Variants in PARP9 observed in about 807,000 individuals in gnomAD.
The protein encoded by PARP9 is poly(ADP-ribose) polymerase family member 9, also known as protein mono-ADP-ribosyltransferase PARP9.
PARP9 carries 48 observed loss-of-function variants against 68.8 expected under a neutral mutation model. The ratio of observed to expected loss-of-function variants is 0.70; its 90% CI spans 0.55 to 0.89. The LOEUF is 0.89. PARP9 is among the 40% of genes least tolerant of loss of function. The probability of loss-of-function intolerance (pLI) is 0.00; values close to 1 mark genes in which losing one functional copy is unlikely to be tolerated. For synonymous variants in PARP9, 309 were observed against 333.8 expected (o/e 0.93, Z 0.81); for missense variants, 806 against 969.3 (o/e 0.83, Z 2.24).
In PARP9 at chr3:122,533,538, G is replaced by T. The variant is rs866992034; in HGVS notation, c.2080+2630C>A. On this transcript the variant is annotated intron_variant, in intron 10 of 10. Coordinates refer to ENST00000682323, the MANE Select transcript of PARP9 (RefSeq NM_001146105.2). ...GGGACATCGTAGAGGAAAAAAGAGAGAAGATAAAGAATGGGCAACAGGTGA... is the reference window on the plus strand; with the variant it reads ...GGGACATCGTAGAGGAAAAAAGAGATAAGATAAAGAATGGGCAACAGGTGA... 1.8e-5 allele frequency: 6 copies of T among 341,926 alleles called. No homozygotes were observed. The South Asian group carries it at 7.0e-4, about 40-fold the overall frequency. 21.2% of individuals were successfully genotyped at this position (341,926 alleles called of 1,614,324 possible).
intron 1 of PARP9, among the ~76,000 whole-genome samples, chr3:122,563,818 C>T (rs1199434263): frequency 6.6e-6 from 1 of 152,136 alleles, no homozygotes; most frequent in African/African-American, 2.4e-5. Context: ...TCCGCCTCCC[C>T]TCACCAGCCC....
At position 122,555,324 on chromosome 3, in the gene PARP9, TC is replaced by T. The variant is rs2079549865; in HGVS notation, c.846del (p.Thr283ProfsTer16). 6.2e-7 allele frequency: 1 copy of T among 1,613,450 alleles called. No individual in the cohort carries two copies. Among genetic ancestry groups the T allele is most frequent in the Non-Finnish European group, 8.5e-7 (1 of 1,179,750 alleles). On this transcript the variant is annotated frameshift_variant, in exon 4 of 11. Transcript: ENST00000682323. LOFTEE classifies it high-confidence loss of function. ...ATGTGGCCCTGGACAATCTGGAGGG[TC>T]AGGTTGTTCACGACCATTGCATTGA... Reference protein sequence around the residue: ...PSFNAMVVNNLTLQIVQGHIE... With the variant: ...PSFNAMVVNNXTLQIVQGHIE...
chr3:122,533,533 A>T lies in PARP9; in HGVS notation c.2080+2635T>A, dbSNP rs73192103. ...CAAGGGGGACATCGTAGAGGAAAAAAGAGAGAAGATAAAGAATGGGCAACA... is the reference window on the plus strand; with the variant it reads ...CAAGGGGGACATCGTAGAGGAAAAATGAGAGAAGATAAAGAATGGGCAACA... On this transcript the variant is annotated intron_variant, in intron 10 of 10. Transcript: ENST00000682323. The T allele has an allele frequency of 9.4e-6, 3 of 318,628 alleles. No homozygotes were observed. Among genetic ancestry groups the T allele is most frequent in the Non-Finnish European group, 1.4e-5 (3 of 220,796 alleles). The allele number at this position is 318,628 out of a possible 1,614,324, so 19.7% of individuals were successfully genotyped here.
intron 8 of PARP9, 121 bp downstream of exon 8, chr3:122,540,351 A>T: frequency 7.9e-7 from 1 of 1,264,984 alleles, no homozygotes. Flanking sequence ...ACAAAGAACC[A>T]GAATGTTTGA....
upstream of PARP9, chr3:122,564,510 C>T: frequency 6.2e-7 from 1 of 1,612,834 alleles, no homozygotes. Context: ...AGCTGGAGAG[C>T]TACTTCCAGA....
rs2078640888 is a variant in PARP9 at position 122,545,587 on chromosome 3, A to C, written c.1327-98T>G. ...GCACACACAGCACTTGACTTCATCC[A>C]CTCTGTCAGTCCCATTCCTACTACC... On this transcript the variant is annotated intron_variant, in intron 6 of 10. Transcript: ENST00000682323. 5 of 1,125,200 alleles carry C rather than the reference A, an allele frequency of 4.4e-6. No individual in the cohort carries two copies. In the African/African-American group the frequency reaches 4.6e-5, roughly 10 times the overall value. 69.7% of individuals were successfully genotyped at this position (1,125,200 alleles called of 1,614,324 possible). A position where few individuals can be genotyped will look rare whatever the true frequency, so the allele number is the denominator to read the frequency against.
chr3:122,544,467 TG>T (rs1423920861), intron 7 of PARP9, among the ~76,000 whole-genome samples: 1 of 152,202 alleles, frequency 6.6e-6, no homozygotes, highest in Non-Finnish European at 1.5e-5. Context: ...GAACTGTTAA[TG>T]CTCTCCTTCC....
intron 10 of PARP9, chr3:122,534,540 T>TG: frequency 1.5e-6 from 1 of 672,254 alleles, no homozygotes; most frequent in Non-Finnish European, 1.8e-6. Flanking sequence ...TTTATATCAC[T>TG]ATATAATGAG....
chr3:122,538,427 C>T (rs2107592008), intron 8 of PARP9, among the ~76,000 whole-genome samples: 1 of 152,200 alleles, frequency 6.6e-6, no homozygotes, highest in East Asian at 1.9e-4. Flanking sequence ...ATTTGATATT[C>T]CTTATAATGA....
At chr3:122,544,254 A>T (rs144419413) in intron 7 of PARP9, among the ~76,000 whole-genome samples, 1 of 152,290 alleles carries the variant, frequency 6.6e-6, no homozygotes, top group African/African-American at 2.4e-5. Flanking sequence ...GATCTTTTCC[A>T]GTCAAAAGGA....
rs1396651952 is a variant in PARP9, at chr3:122,555,391, G to C, written c.780C>G (p.Ile260Met). The C allele has an allele frequency of 6.2e-7, 1 of 1,614,094 alleles. No homozygotes were observed. Among genetic ancestry groups the C allele is most frequent in the Non-Finnish European group, 8.5e-7 (1 of 1,180,014 alleles). ...CTTGTCCCAGCTCACTCTTCCCTAG[G>C]ATGAATTCTGAAGCAGCTTTAAAGG... ...VAAFKAASEF[I>M]LGKSELGQET... The change falls in exon 4 of 11, where the codon ATC (isoleucine) becomes ATG (methionine). Residue 260 changes from isoleucine (I) to methionine (M), a missense_variant. Around this residue, in one of 2 missense-constraint regions of PARP9, gnomAD observed 680 missense variants for 858.8 expected, o/e 0.79. Transcript: ENST00000682323.
At chr3:122,539,551 CT>C (rs1425718935) in intron 8 of PARP9, among the ~76,000 whole-genome samples, 1 of 58,472 alleles carries the variant, frequency 1.7e-5, no homozygotes, top group Non-Finnish European at 3.9e-5. Context: ...TTCTTTCTTT[CT>C]TTCTTTCTTT....
intron 6 of PARP9, among the ~76,000 whole-genome samples, chr3:122,547,208 C>T (rs1034038915): frequency 6.7e-6 from 1 of 148,850 alleles, no homozygotes; most frequent in East Asian, 2.0e-4. Flanking sequence ...GATTCTCCTG[C>T]CTCAGCCTCC....
intron 10 of PARP9, chr3:122,534,548 G>T: frequency 1.6e-6 from 1 of 629,094 alleles, no homozygotes; most frequent in East Asian, 1.4e-4. Flanking sequence ...ACTATATAAT[G>T]AGTATGTTGG....
chr3:122,539,559 C>CTTTCTTTCTT (rs2077999042), intron 8 of PARP9, among the ~76,000 whole-genome samples: 3 of 82,686 alleles, frequency 3.6e-5, no homozygotes, highest in Non-Finnish European at 7.7e-5. Flanking sequence ...TTCTTTCTTT[C>CTTTCTTTCTT]TTTCTTTCTT....
At chr3:122,556,716 C>A (rs2079704433) in intron 3 of PARP9, among the ~76,000 whole-genome samples, 1 of 151,898 alleles carries the variant, frequency 6.6e-6, no homozygotes, top group African/African-American at 2.4e-5. Flanking sequence ...GCACGTGTAA[C>A]TAGGCAGATG....
intron 6 of PARP9, among the ~76,000 whole-genome samples, chr3:122,547,013 TACAC>T (rs1383480849): frequency 3.3e-5 from 2 of 61,408 alleles, no homozygotes; most frequent in Non-Finnish European, 7.0e-5. Flanking sequence ...TATATATATA[TACAC>T]ACACACACAT....
rs760107420 is a variant in PARP9 at position 122,556,045 on chromosome 3, A to T, written c.126T>A (p.Asn42Lys). 5.6e-6 allele frequency: 9 copies of T among 1,603,582 alleles called. No homozygotes were observed. In the Admixed American group the frequency reaches 8.5e-5, roughly 15 times the overall value. ...NHNDFKILKNNERQLCEVLQN... is the reference protein window; with the variant it reads ...NHNDFKILKNKERQLCEVLQN... ...GGAGGACTTCACACAGCTGACGCTC[A>T]TTATTTTTTAAAATTTTGAAGTCAT... The change falls in exon 4 of 11, where the codon AAT becomes AAA. Residue 42 changes from asparagine to lysine, a missense_variant. Transcript: ENST00000682323.
intron 10 of PARP9, chr3:122,535,362 C>T (rs933390091): frequency 2.0e-6 from 2 of 985,310 alleles, no homozygotes; most frequent in Non-Finnish European, 2.4e-6. Flanking sequence ...AGAGCCTTTG[C>T]ATCCTAGAAA....
Sources: gnomAD v4.1 joint callset for allele counts (sites outside exome capture counted in the v4.1 genomes callset) on GRCh38, gnomAD v4.1.1 for gene constraint, gnomAD v4.1.1 regional missense constraint, MANE v1.5 for transcripts, NCBI Gene and HGNC (gene_info 2026-07-23, HGNC 2026-07-21) for gene names.